PDE4B: variants seen among roughly 807,000 people sequenced by gnomAD.
PDE4B encodes 3',5'-cyclic-AMP phosphodiesterase 4B.
Under a neutral mutation model 82.2 loss-of-function variants are expected in PDE4B, and 20 were observed. The ratio of observed to expected loss-of-function variants is 0.24; its 90% CI spans 0.17 to 0.35. The LOEUF (loss-of-function observed/expected upper bound fraction) is 0.35. Among genes scored for constraint, PDE4B ranks in the 10% least tolerant of loss-of-function variants. The pLI is 1.00. For synonymous variants in PDE4B, 320 were observed against 318.9 expected (o/e 1.00, Z -0.04); for missense variants, 655 against 907.2 (o/e 0.72, Z 3.57).
At chr1:65,810,396 A>G (rs11811154) in intron 1 of PDE4B, among the ~76,000 whole-genome samples, 21 of 152,282 alleles carry the variant, frequency 1.4e-4, no homozygotes, top group African/African-American at 5.1e-4. Flanking sequence ...GCATTATTAT[A>G]CTAATTTTGA....
At chr1:65,927,035 A>G (rs1647539496) in intron 3 of PDE4B, among the ~76,000 whole-genome samples, 1 of 152,122 alleles carries the variant, frequency 6.6e-6, no homozygotes, top group Non-Finnish European at 1.5e-5. Context: ...TCAAATGTGA[A>G]GGAGAGAGGG....
chr1:66,256,673 T>C (rs1654256207), intron 4 of PDE4B, among the ~76,000 whole-genome samples: 1 of 152,204 alleles, frequency 6.6e-6, no homozygotes, highest in African/African-American at 2.4e-5. Context: ...AGGCCTCGTG[T>C]GGTGCCTGGT....
At chr1:66,042,505 T>A (rs1654440693) in intron 3 of PDE4B, 1 of 151,854 alleles carries the variant, frequency 6.6e-6, no homozygotes, top group African/African-American at 2.4e-5. Flanking sequence ...TGAAATACAT[T>A]TTTGAATGAG....
chr1:66,162,999 G>C (rs966849996), intron 3 of PDE4B, among the ~76,000 whole-genome samples: 3 of 152,160 alleles, frequency 2.0e-5, no homozygotes, highest in Non-Finnish European at 2.9e-5. Flanking sequence ...TTTTAGTTCA[G>C]TTTTCCAATA....
intron 1 of PDE4B, among the ~76,000 whole-genome samples, chr1:65,905,412 G>A (rs2100434876): frequency 6.6e-6 from 1 of 152,172 alleles, no homozygotes; most frequent in South Asian, 2.1e-4. Flanking sequence ...GAGTTACAGG[G>A]GAGAGTGATG....
At chr1:66,162,121 C>T (rs1646626022) in intron 3 of PDE4B, among the ~76,000 whole-genome samples, 1 of 151,792 alleles carries the variant, frequency 6.6e-6, no homozygotes, top group Non-Finnish European at 1.5e-5. Flanking sequence ...TGTTGATTAT[C>T]TGAGGATCTA....
chr1:65,946,221 T>C (rs564511968), intron 3 of PDE4B, among the ~76,000 whole-genome samples: 7 of 152,092 alleles, frequency 4.6e-5, no homozygotes, highest in African/African-American at 1.4e-4. Context: ...ATCTTTCTTA[T>C]ACCTTCTTAC....
In PDE4B at chr1:66,372,503, A is replaced by C; in HGVS notation, c.2036A>C (p.Gln679Pro). The change falls in exon 17 of 17, where the codon CAG (glutamine) becomes CCG (proline). Residue 679 changes from glutamine to proline, a missense_variant. Transcript: ENST00000341517. ...RDCQGLMEKFQFELTLDEEDS... is the reference protein window; with the variant it reads ...RDCQGLMEKFPFELTLDEEDS... ...TGCCAGGGTCTGATGGAGAAGTTTC[A>C]GTTTGAACTGACTCTCGATGAGGAA... 1 of 1,614,142 alleles carries C rather than the reference A, an allele frequency of 6.2e-7. No individual in the cohort carries two copies.
intron 3 of PDE4B, among the ~76,000 whole-genome samples, chr1:66,189,817 G>A (rs973835293): frequency 5.9e-5 from 9 of 151,960 alleles, no homozygotes; most frequent in Non-Finnish European, 7.4e-5. Context: ...ATTGTCTGAC[G>A]CCTTCTTCTC....
chr1:65,865,580 C>T (rs914216826), intron 1 of PDE4B, among the ~76,000 whole-genome samples: 7 of 152,224 alleles, frequency 4.6e-5, no homozygotes, highest in South Asian at 4.2e-4. Context: ...ATGGGAAAAG[C>T]GTGCTAGGTG....
intron 3 of PDE4B, among the ~76,000 whole-genome samples, chr1:66,134,795 C>T (rs966354388): frequency 6.6e-6 from 1 of 152,186 alleles, no homozygotes; most frequent in Non-Finnish European, 1.5e-5. Flanking sequence ...ACATGTGTGC[C>T]ATGTGCCAAA....
chr1:66,196,612 A>G (rs972810886), intron 3 of PDE4B, among the ~76,000 whole-genome samples: 2 of 152,210 alleles, frequency 1.3e-5, no homozygotes, highest in African/African-American at 4.8e-5. Context: ...GTTTGTCACA[A>G]AAAAGAAAAG....
intron 1 of PDE4B, among the ~76,000 whole-genome samples, chr1:65,877,441 C>T (rs1646657979): frequency 6.6e-6 from 1 of 151,906 alleles, no homozygotes; most frequent in African/African-American, 2.4e-5. Flanking sequence ...CGGTGAAACT[C>T]CATCTCTACT....
At chr1:66,306,149 G>A (rs1049707842) in intron 7 of PDE4B, among the ~76,000 whole-genome samples, 2 of 152,180 alleles carry the variant, frequency 1.3e-5, no homozygotes, top group African/African-American at 4.8e-5. Flanking sequence ...CGTCTCTGTG[G>A]TTGAAACAGA....
At chr1:66,192,782 A>G (rs1647942242) in intron 3 of PDE4B, among the ~76,000 whole-genome samples, 1 of 152,158 alleles carries the variant, frequency 6.6e-6, no homozygotes, top group Admixed American at 6.5e-5. Context: ...GTCTTGAGAC[A>G]TATGGCAATT....
chr1:66,199,631 AG>A (rs758714291), intron 3 of PDE4B, among the ~76,000 whole-genome samples: 4 of 152,144 alleles, frequency 2.6e-5, no homozygotes, highest in Non-Finnish European at 5.9e-5. Context: ...GAAAATGTGG[AG>A]AAAAAAATAA....
At chr1:66,335,106 A>G (rs1394411164) in intron 8 of PDE4B, among the ~76,000 whole-genome samples, 1 of 152,234 alleles carries the variant, frequency 6.6e-6, no homozygotes, top group Non-Finnish European at 1.5e-5. Context: ...TTTACTATGT[A>G]GTCTTATTTG....
intron 3 of PDE4B, among the ~76,000 whole-genome samples, chr1:66,087,820 A>G (rs1657090652): frequency 7.2e-6 from 1 of 138,810 alleles, no homozygotes; most frequent in Non-Finnish European, 1.5e-5. Context: ...TTAAACAATG[A>G]GAACACATGG....
In PDE4B at chr1:66,113,970, C is replaced by T. The variant is rs754426982; in HGVS notation, c.282-133490C>T. On this transcript the variant is annotated intron_variant, in intron 3 of 16. Coordinates refer to ENST00000341517, the MANE Select transcript of PDE4B (RefSeq NM_002600.4). The stretch of plus-strand genomic sequence containing the variant: ...CTTCTACTATTACGAATTGCTATGG[C>T]CTGAATGTTCGTGTCTCCCTAAAAT... Among the ~76,000 whole-genome samples the T allele has an allele frequency of 2.0e-5, 3 of 152,266 alleles. No homozygotes were observed. The South Asian group carries it at 6.2e-4, about 32-fold the overall frequency.
Sources: allele counts gnomAD v4.1 joint callset (sites outside exome capture counted in the v4.1 genomes callset), GRCh38; gene constraint gnomAD v4.1.1; transcripts MANE v1.5; gene names NCBI Gene and HGNC (gene_info 2026-07-23, HGNC 2026-07-21).